Variants in ISOC1 observed in about 807,000 individuals in gnomAD.
The protein encoded by ISOC1 is isochorismatase domain containing 1, also known as isochorismatase domain-containing protein 1.
In ISOC1, 33 loss-of-function variants were observed where a neutral mutation model predicts 30.0. That is an observed-to-expected ratio of 1.10 (90% CI 0.83 to 1.47). The LOEUF (loss-of-function observed/expected upper bound fraction) is 1.47, where lower values mean the gene tolerates loss of function less well. Among genes scored for constraint, ISOC1 ranks in the 40% most tolerant of loss-of-function variants. The pLI, the probability that ISOC1 is intolerant of heterozygous loss-of-function variation, is 0.00. For missense variants in ISOC1, 372 were observed against 388.0 expected, an observed-to-expected ratio of 0.96 and a Z score of 0.35; for synonymous variants, 178 against 159.8, an observed-to-expected ratio of 1.11 and a Z score of -0.86.
rs553755968 is a variant in ISOC1 at position 129,095,814 on chromosome 5, A to C, written c.309+739A>C. Among the ~76,000 whole-genome samples, 12 of 152,320 alleles carry C rather than the reference A, an allele frequency of 7.9e-5. 1 individual carries two copies. The South Asian group carries it at 1.9e-3, about 24-fold the overall frequency. On this transcript the variant is annotated intron_variant, in intron 1 of 4. Coordinates refer to ENST00000173527, the MANE Select transcript of ISOC1 (RefSeq NM_016048.2). ...TTGTTCTACCTGAGGACTACTTAAC[A>C]GCATTTATTTTAAGCTGTGCTCTCA...
intron 1 of ISOC1, among the ~76,000 whole-genome samples, chr5:129,102,026 A>G (rs1024802667): frequency 6.6e-6 from 1 of 152,196 alleles, no homozygotes; most frequent in Non-Finnish European, 1.5e-5. Context: ...TATTAACATG[A>G]TGTCATTAAT....
intron 1 of ISOC1, among the ~76,000 whole-genome samples, chr5:129,097,096 TTACTC>T (rs138878142): frequency 0.051 from 7,763 of 152,252 alleles, 275 homozygotes; most frequent in African/African-American, 0.096. Flanking sequence ...AACAATAGCA[TTACTC>T]TACTCCCTCT....
intron 1 of ISOC1, among the ~76,000 whole-genome samples, chr5:129,097,396 C>T (rs955869457): frequency 2.0e-5 from 3 of 152,030 alleles, no homozygotes; most frequent in Admixed American, 6.6e-5. Context: ...TACACACATA[C>T]ATATATATGC....
chr5:129,107,542 A>G (rs890484171), intron 4 of ISOC1, among the ~76,000 whole-genome samples: 4 of 152,128 alleles, frequency 2.6e-5, no homozygotes, highest in African/African-American at 9.6e-5. Flanking sequence ...CAATAAAAAT[A>G]AAAATAGAAT....
At chr5:129,095,711 A>G (rs894383820) in intron 1 of ISOC1, among the ~76,000 whole-genome samples, 1 of 152,228 alleles carries the variant, frequency 6.6e-6, no homozygotes, top group African/African-American at 2.4e-5. Context: ...ATTTGACTCC[A>G]TGATTGTAAT....
intron 4 of ISOC1, among the ~76,000 whole-genome samples, chr5:129,107,400 T>A (rs546365725): frequency 6.6e-6 from 1 of 152,240 alleles, no homozygotes; most frequent in East Asian, 1.9e-4. Context: ...TAAAAATAGC[T>A]CAGTTGGGTT....
chr5:129,103,499 G>C (rs1274317928), intron 1 of ISOC1, among the ~76,000 whole-genome samples: 1 of 152,138 alleles, frequency 6.6e-6, no homozygotes, highest in East Asian at 1.9e-4. Flanking sequence ...TTTGGTATTG[G>C]ATTGTGCATA....
At chr5:129,102,895 C>T (rs1028647007) in intron 1 of ISOC1, among the ~76,000 whole-genome samples, 4 of 152,148 alleles carry the variant, frequency 2.6e-5, no homozygotes, top group African/African-American at 9.7e-5. Flanking sequence ...GTAGTCAATA[C>T]AGTATAAAAT....
intron 1 of ISOC1, among the ~76,000 whole-genome samples, chr5:129,096,558 A>C (rs185644469): frequency 6.6e-6 from 1 of 152,368 alleles, no homozygotes; most frequent in East Asian, 1.9e-4. Flanking sequence ...CCTGCTGCTC[A>C]GATAGGGAAT....
At chr5:129,100,725 G>A (rs933866617) in intron 1 of ISOC1, among the ~76,000 whole-genome samples, 6 of 152,002 alleles carry the variant, frequency 3.9e-5, no homozygotes, top group Admixed American at 2.6e-4. Context: ...AGAAATTTCC[G>A]AAATTTAGAG....
chr5:129,098,727 C>G (rs536150401), intron 1 of ISOC1, among the ~76,000 whole-genome samples: 3 of 152,178 alleles, frequency 2.0e-5, no homozygotes, highest in African/African-American at 7.2e-5. Context: ...TAAGGGCGTT[C>G]CAGGGAAGGT....
At chr5:129,099,530 A>T (rs1271357957) in intron 1 of ISOC1, among the ~76,000 whole-genome samples, 1 of 152,248 alleles carries the variant, frequency 6.6e-6, no homozygotes, top group Non-Finnish European at 1.5e-5. Context: ...TTTTTCCAGG[A>T]ACAATCTTGT....
intron 1 of ISOC1, among the ~76,000 whole-genome samples, chr5:129,098,220 G>A (rs544720754): frequency 3.9e-5 from 6 of 152,272 alleles, no homozygotes; most frequent in South Asian, 4.1e-4. Context: ...GTGGTTCTAT[G>A]AGAACTGATC....
rs1444779936 is a variant in ISOC1, at chr5:129,094,823, G to A, written c.57G>A (p.Ala19=). ...LALPNSGAGG[A]GAPSGTVPVL... Reference sequence around the variant, plus strand: ...TCCCCAACAGCGGCGCCGGGGGCGCGGGGGCGCCGTCGGGCACAGTCCCGG... The same window carrying A: ...TCCCCAACAGCGGCGCCGGGGGCGCAGGGGCGCCGTCGGGCACAGTCCCGG... The change falls in exon 1 of 5, where the codon GCG becomes GCA. Residue 19 remains alanine, a synonymous_variant. Transcript: ENST00000173527. 1 of 1,541,998 alleles carries A rather than the reference G, an allele frequency of 6.5e-7. No homozygotes were observed. Among genetic ancestry groups the A allele is most frequent in the South Asian group, 1.2e-5 (1 of 83,420 alleles).
intron 4 of ISOC1, among the ~76,000 whole-genome samples, chr5:129,111,363 AG>A (rs1272551693): frequency 2.6e-5 from 4 of 152,152 alleles, no homozygotes; most frequent in African/African-American, 9.7e-5. Flanking sequence ...TTAAGGTCCA[AG>A]CTTGCTTTCT....
intron 3 of ISOC1, 106 bp downstream of exon 3, chr5:129,105,494 G>A (rs1753626435): frequency 2.3e-6 from 2 of 883,596 alleles, no homozygotes; most frequent in Middle Eastern, 3.0e-4. Context: ...GTAATAATGA[G>A]GAAAGGTAGC....
chr5:129,099,723 G>A (rs958211383), intron 1 of ISOC1, among the ~76,000 whole-genome samples: 1 of 152,032 alleles, frequency 6.6e-6, no homozygotes, highest in Non-Finnish European at 1.5e-5. Context: ...CTCATTAGAG[G>A]GTAAGTTTTT....
intron 1 of ISOC1, among the ~76,000 whole-genome samples, chr5:129,101,019 T>TTTG (rs1561421668): frequency 2.1e-5 from 3 of 144,552 alleles, no homozygotes; most frequent in Admixed American, 6.9e-5. Context: ...TCCCTATTGT[T>TTTG]TTTGTTTGTT....
In ISOC1 at chr5:129,105,085, T is replaced by G. The variant is rs1178621965; in HGVS notation, c.429+10T>G. On this transcript the variant is annotated intron_variant, in intron 2 of 4. Coordinates refer to ENST00000173527, the MANE Select transcript of ISOC1 (RefSeq NM_016048.2). Reference sequence around the variant, plus strand: ...CGTGGGACAGAGATTGGTATGCTTGTTTACTTATTTGGTCATATTTGCTGA... The same window carrying G: ...CGTGGGACAGAGATTGGTATGCTTGGTTACTTATTTGGTCATATTTGCTGA... 3 of 1,613,688 alleles carry G rather than the reference T, an allele frequency of 1.9e-6. No homozygotes were observed. The highest frequency in any genetic ancestry group is 2.5e-6 in the Non-Finnish European group (3 of 1,179,762).
Sources: allele counts gnomAD v4.1 joint callset (sites outside exome capture counted in the v4.1 genomes callset), GRCh38; gene constraint gnomAD v4.1.1; transcripts MANE v1.5; gene names NCBI Gene and HGNC (gene_info 2026-07-23, HGNC 2026-07-21).